The following YIPF1 variants were observed in gnomAD, a reference collection of about 807,000 sequenced individuals.
YIPF1 encodes the protein protein YIPF1.
A neutral mutation model predicts 37.0 loss-of-function variants in YIPF1; 22 were observed. That is an observed-to-expected ratio of 0.59 (90% CI 0.42 to 0.85). The LOEUF (loss-of-function observed/expected upper bound fraction) is 0.85, where lower values mean the gene tolerates loss of function less well. YIPF1 is among the 40% of genes least tolerant of loss of function. YIPF1 has a pLI of 0.00. For synonymous variants in YIPF1, 128 were observed against 131.9 expected (o/e 0.97, Z 0.21); for missense variants, 355 against 373.1 (o/e 0.95, Z 0.40).
chr1:53,863,099 C>T (rs902385031), intron 9 of YIPF1, among the ~76,000 whole-genome samples: 1 of 152,174 alleles, frequency 6.6e-6, no homozygotes, highest in African/African-American at 2.4e-5. Flanking sequence ...CAGGAAGAGG[C>T]CCTGCACCCC....
intron 7 of YIPF1, among the ~76,000 whole-genome samples, chr1:53,869,571 A>G (rs1650122465): frequency 6.6e-6 from 1 of 152,138 alleles, no homozygotes; most frequent in Admixed American, 6.6e-5. Flanking sequence ...CTAGTTCCAG[A>G]ACTGGTGCTC....
intron 10 of YIPF1, among the ~76,000 whole-genome samples, chr1:53,856,317 T>C (rs1649717239): frequency 6.6e-6 from 1 of 152,196 alleles, no homozygotes; most frequent in Non-Finnish European, 1.5e-5. Context: ...TGAAGGCCTT[T>C]ACAACCAAAA....
At chr1:53,864,352 T>G (rs894459815) in intron 9 of YIPF1, among the ~76,000 whole-genome samples, 4 of 152,260 alleles carry the variant, frequency 2.6e-5, no homozygotes, top group Admixed American at 6.5e-5. Flanking sequence ...CAGAAATTAA[T>G]AGTGTCATTC....
At position 53,878,377 on chromosome 1, in the gene YIPF1, A is replaced by C. The variant is rs1326245496; in HGVS notation, c.302T>G (p.Leu101Arg). The change falls in exon 6 of 11, where the codon CTT becomes CGT. Residue 101 changes from leucine (L) to arginine (R), a missense_variant. By Grantham distance (102) the Leu-to-Arg change is moderately radical. Transcript: ENST00000072644. The stretch of plus-strand genomic sequence containing the variant: ...AAAGTTTTTCCCGGGTATTGGCAAA[A>C]GAGATCCTTTAATTCTGTCAAAGAC... ...YQVFDRIKGSLLPIPGKNFVR... is the reference protein window; with the variant it reads ...YQVFDRIKGSRLPIPGKNFVR... The C allele has an allele frequency of 6.2e-7, 1 of 1,614,170 alleles. No individual in the cohort carries two copies.
intron 6 of YIPF1, among the ~76,000 whole-genome samples, chr1:53,873,648 T>C (rs1006930332): frequency 6.8e-6 from 1 of 147,328 alleles, no homozygotes; most frequent in Non-Finnish European, 1.5e-5. Context: ...TCTGAATAGC[T>C]ACCGCACTCC....
At chr1:53,856,279 G>C (rs1359987561) in intron 10 of YIPF1, among the ~76,000 whole-genome samples, 1 of 152,214 alleles carries the variant, frequency 6.6e-6, no homozygotes, top group Non-Finnish European at 1.5e-5. Flanking sequence ...TGAGGGGCAG[G>C]CTCTTCTCAG....
chr1:53,874,715 C>T (rs976740890), intron 6 of YIPF1, among the ~76,000 whole-genome samples: 5 of 152,018 alleles, frequency 3.3e-5, no homozygotes, highest in Admixed American at 1.3e-4. Context: ...TGCAGTGAGC[C>T]GAGATTGCGC....
intron 9 of YIPF1, among the ~76,000 whole-genome samples, chr1:53,863,547 T>G (rs536182669): frequency 2.0e-5 from 3 of 152,158 alleles, no homozygotes; most frequent in Non-Finnish European, 4.4e-5. Flanking sequence ...GAGAAGCAAG[T>G]CTCTTGCCTA....
chr1:53,874,278 G>C (rs1169385512), intron 6 of YIPF1, among the ~76,000 whole-genome samples: 1 of 152,134 alleles, frequency 6.6e-6, no homozygotes, highest in Non-Finnish European at 1.5e-5. Context: ...CTGCCATGTT[G>C]CTTCATACTG....
At chr1:53,863,835 GCTCAAGCGATT>G (rs892303094) in intron 9 of YIPF1, among the ~76,000 whole-genome samples, 15 of 152,114 alleles carry the variant, frequency 9.9e-5, no homozygotes, top group Admixed American at 4.6e-4. Flanking sequence ...CACCTCCTAG[GCTCAAGCGATT>G]CTCACACCTC....
At chr1:53,859,944 C>A in intron 10 of YIPF1, 112 bp downstream of exon 10, 1 of 1,044,688 alleles carries the variant, frequency 9.6e-7, no homozygotes, top group Non-Finnish European at 1.4e-6. Context: ...CTGAACTGTG[C>A]AGAAGGATGA....
Position 53,884,834 on chromosome 1 carries a change from G to A in YIPF1, c.32-1558C>T, listed in dbSNP as rs1315893334. Among the ~76,000 whole-genome samples, 2 of 152,216 alleles carry A rather than the reference G, an allele frequency of 1.3e-5. 1 individual carries two copies. Among genetic ancestry groups the A allele is most frequent in the East Asian group, 3.8e-4 (2 of 5,202 alleles). Reference sequence around the variant, plus strand: ...CAGCTCTGAACCTTCGAAGGCCAAAGGAAGAGTGCCAGCAGGGCACCATTA... The same window carrying A: ...CAGCTCTGAACCTTCGAAGGCCAAAAGAAGAGTGCCAGCAGGGCACCATTA... On this transcript the variant is annotated intron_variant, in intron 3 of 10. Transcript: ENST00000072644.
intron 3 of YIPF1, among the ~76,000 whole-genome samples, chr1:53,887,489 G>A (rs1416200535): frequency 5.9e-5 from 9 of 152,030 alleles, no homozygotes; most frequent in African/African-American, 2.2e-4. Context: ...GACTGTAGAG[G>A]GATAAGGGAG....
At chr1:53,886,448 T>G (rs1363718571) in intron 3 of YIPF1, among the ~76,000 whole-genome samples, 1 of 151,986 alleles carries the variant, frequency 6.6e-6, no homozygotes, top group Non-Finnish European at 1.5e-5. Flanking sequence ...TAAGCTAGTT[T>G]CAGCCTCTGC....
intron 8 of YIPF1, 22 bp downstream of exon 8, chr1:53,866,736 A>C (rs2100727225): frequency 6.3e-7 from 1 of 1,598,292 alleles, no homozygotes; most frequent in Non-Finnish European, 8.5e-7. Context: ...CTCAGAATCT[A>C]CTCCCTAAGT....
intron 6 of YIPF1, among the ~76,000 whole-genome samples, chr1:53,875,861 A>G (rs981990088): frequency 2.0e-5 from 3 of 152,242 alleles, no homozygotes; most frequent in African/African-American, 7.2e-5. Flanking sequence ...ACCCATTTAT[A>G]CAAACACTTC....
chr1:53,860,244 C>T, intron 9 of YIPF1, 91 bp from the exon 10 acceptor site: 1 of 1,146,392 alleles, frequency 8.7e-7, no homozygotes, highest in Middle Eastern at 2.0e-4. Context: ...TACTTTTGGA[C>T]TCTCACAGCC....
In YIPF1 at chr1:53,878,343, T is replaced by C; in HGVS notation, c.336A>G (p.Leu112=). 2 of 1,614,120 alleles carry C rather than the reference T, an allele frequency of 1.2e-6. No homozygotes were observed. Among genetic ancestry groups the C allele is most frequent in the Non-Finnish European group, 1.7e-6 (2 of 1,179,990 alleles). The change falls in exon 6 of 11, where the codon TTA becomes TTG. Residue 112 remains leucine (L), a synonymous_variant. Coordinates refer to ENST00000072644, the MANE Select transcript of YIPF1 (RefSeq NM_018982.5). ...LPIPGKNFVR[L]YIRSNPDLYG... ...AGAGATCTGGATTGCTGCGGATATA[T>C]AACCTCACAAAGTTTTTCCCGGGTA...
At chr1:53,875,314 A>G (rs1170981791) in intron 6 of YIPF1, among the ~76,000 whole-genome samples, 2 of 152,182 alleles carry the variant, frequency 1.3e-5, no homozygotes, top group Non-Finnish European at 2.9e-5. Flanking sequence ...CAGGAGTTTG[A>G]GGCCAGCCTG....
Sources: gnomAD v4.1 joint callset for allele counts (sites outside exome capture counted in the v4.1 genomes callset) on GRCh38, gnomAD v4.1.1 for gene constraint, MANE v1.5 for transcripts, NCBI Gene and HGNC (gene_info 2026-07-23, HGNC 2026-07-21) for gene names.